Variants in THNSL1 observed in about 807,000 individuals in gnomAD.
The protein encoded by THNSL1 is threonine synthase-like 1.
In THNSL1, 48 loss-of-function variants were observed where a neutral mutation model predicts 50.4. The ratio of observed to expected loss-of-function variants is 0.95; its 90% confidence interval spans 0.76 to 1.21. THNSL1 has a LOEUF of 1.21. THNSL1 is among the 50% of genes most tolerant of loss of function. The pLI, the probability that THNSL1 is intolerant of heterozygous loss-of-function variation, is 0.00. For synonymous variants in THNSL1, 309 were observed against 306.1 expected, an observed-to-expected ratio of 1.01 and a Z score of -0.10; for missense variants, 896 against 871.7, an observed-to-expected ratio of 1.03 and a Z score of -0.35.
the THNSL1 span, chr10:24,995,826 T>G: frequency 6.2e-6 from 10 of 1,613,386 alleles, no homozygotes. Flanking sequence ...CAGTCTTCAA[T>G]GGCACAGCAG....
At chr10:24,953,889 A>G in the THNSL1 span, among the ~76,000 whole-genome samples, 2 of 152,198 alleles carry the variant, frequency 1.3e-5, no homozygotes, top group Admixed American at 1.3e-4. Flanking sequence ...CTGGCTCTTC[A>G]TGTCGTTTCT....
chr10:25,020,407 ACAATC>A (rs1417377793), intron 1 of THNSL1, among the ~76,000 whole-genome samples: 2 of 152,194 alleles, frequency 1.3e-5, no homozygotes, highest in Non-Finnish European at 2.9e-5. Context: ...ATGTTTCCTT[ACAATC>A]TACTTTTAAT....
At chr10:25,018,470 G>A (rs1394359952) in intron 1 of THNSL1, among the ~76,000 whole-genome samples, 1 of 152,116 alleles carries the variant, frequency 6.6e-6, no homozygotes, top group African/African-American at 2.4e-5. Flanking sequence ...TGCCATTGTA[G>A]CTCAAAAGCA....
At chr10:25,003,181 A>ATTT in the THNSL1 span, among the ~76,000 whole-genome samples, 665 of 146,988 alleles carry the variant, frequency 4.5e-3, 2 homozygotes, top group African/African-American at 0.013. Context: ...TTAATTAATT[A>ATTT]ATTTATTTAT....
the THNSL1 span, among the ~76,000 whole-genome samples, chr10:25,000,778 T>G: frequency 6.6e-6 from 1 of 152,160 alleles, no homozygotes; most frequent in African/African-American, 2.4e-5. Flanking sequence ...TTAATGTGAT[T>G]ATAAAAATTT....
Position 25,024,850 on chromosome 10 carries a change from T to G in THNSL1, c.1627T>G (p.Phe543Val), listed in dbSNP as rs1850813073. ...ASNQNHVLTD[F>V]IKTGHYDLRE... ...TAATCAGAACCATGTTTTGACTGATTTTATAAAAACAGGACATTATGATCT... is the reference window on the plus strand; with the variant it reads ...TAATCAGAACCATGTTTTGACTGATGTTATAAAAACAGGACATTATGATCT... The change falls in exon 3 of 3, where the codon TTT (phenylalanine) becomes GTT (valine). Residue 543 changes from phenylalanine to valine, a missense_variant. By Grantham distance (50) the Phe-to-Val change is conservative (BLOSUM62 -1). Coordinates refer to ENST00000376356, the MANE Select transcript of THNSL1 (RefSeq NM_024838.5). 6.2e-7 allele frequency: 1 copy of G among 1,614,126 alleles called. No individual in the cohort carries two copies. The highest frequency in any genetic ancestry group is 1.3e-5 in the African/African-American group (1 of 75,048).
intron 1 of THNSL1, among the ~76,000 whole-genome samples, chr10:25,017,922 A>G (rs1020467523): frequency 6.6e-6 from 1 of 152,214 alleles, no homozygotes; most frequent in African/African-American, 2.4e-5. Flanking sequence ...AGCCAAGTGG[A>G]TAGTCACTGG....
At chr10:24,996,233 G>A in the THNSL1 span, among the ~76,000 whole-genome samples, 5 of 152,114 alleles carry the variant, frequency 3.3e-5, no homozygotes, top group African/African-American at 9.7e-5. Context: ...GACCAGTCTC[G>A]GCAACACAGT....
chr10:25,003,742 G>A, the THNSL1 span, among the ~76,000 whole-genome samples: 1 of 152,068 alleles, frequency 6.6e-6, no homozygotes, highest in African/African-American at 2.4e-5. Flanking sequence ...CATGCATTAC[G>A]GGGGTTTGTT....
the THNSL1 span, among the ~76,000 whole-genome samples, chr10:24,955,920 C>G: frequency 3.6e-3 from 551 of 152,070 alleles, 3 homozygotes; most frequent in African/African-American, 9.9e-3. Flanking sequence ...GCACTCCAGC[C>G]TGGGTGACAG....
the THNSL1 span, among the ~76,000 whole-genome samples, chr10:24,996,390 C>T: frequency 3.9e-5 from 6 of 151,978 alleles, no homozygotes; most frequent in Admixed American, 2.0e-4. Flanking sequence ...CCATTGTACT[C>T]CAGCCTGGGT....
the THNSL1 span, among the ~76,000 whole-genome samples, chr10:24,994,095 T>C: frequency 2.6e-5 from 4 of 152,182 alleles, no homozygotes; most frequent in African/African-American, 7.2e-5. Flanking sequence ...CAGTGTCCTC[T>C]GAAAACAGCC....
At chr10:25,007,072 G>A in the THNSL1 span, among the ~76,000 whole-genome samples, 1 of 152,088 alleles carries the variant, frequency 6.6e-6, no homozygotes, top group Non-Finnish European at 1.5e-5. Context: ...CCCTTTACTT[G>A]ATTTTACCTG....
Position 25,025,145 on chromosome 10 carries a change from C to T in THNSL1, c.1922C>T (p.Pro641Leu). 1 of 1,614,010 alleles carries T rather than the reference C, an allele frequency of 6.2e-7. No homozygotes were observed. Among genetic ancestry groups the T allele is most frequent in the Non-Finnish European group, 8.5e-7 (1 of 1,180,002 alleles). The change falls in exon 3 of 3, where the codon CCA becomes CTA. Residue 641 changes from proline (P) to leucine (L), a missense_variant. Coordinates refer to ENST00000376356, the MANE Select transcript of THNSL1 (RefSeq NM_024838.5). ...AATACTTCAGGGTATATTTTGGATC[C>T]ACACACTGCTGTTGCAAAAGTGGTT... ...TYNTSGYILD[P>L]HTAVAKVVAD...
At chr10:24,995,984 T>G in the THNSL1 span, 1 of 782,304 alleles carries the variant, frequency 1.3e-6, no homozygotes, top group African/African-American at 1.8e-5. Flanking sequence ...TCATAATATA[T>G]TTAAATATTT....
chr10:25,023,462 G>A lies in THNSL1; in HGVS notation c.239G>A (p.Gly80Asp), dbSNP rs1470095725. Residue 80 changes from glycine (G) to aspartate (D), a missense_variant, in exon 3 of 3, where the codon GGT becomes GAT. By Grantham distance (94) the Gly-to-Asp change is moderately conservative. Coordinates refer to ENST00000376356, the MANE Select transcript of THNSL1 (RefSeq NM_024838.5). ...TVGRIIGQKL[G>D]CCVIDVDDDI... ...GGCAGAATAATAGGTCAGAAACTAG[G>A]TTGTTGTGTCATAGATGTGGATGAT... 3 of 1,614,092 alleles carry A rather than the reference G, an allele frequency of 1.9e-6. No homozygotes were observed. Among genetic ancestry groups the A allele is most frequent in the Middle Eastern group, 1.6e-4 (1 of 6,062 alleles).
At chr10:24,953,425 C>G in the THNSL1 span, 2 of 152,434 alleles carry the variant, frequency 1.3e-5, no homozygotes, top group African/African-American at 2.4e-5. Flanking sequence ...ACATTCTCTG[C>G]TTTACCAGTT....
At chr10:24,992,428 T>C in the THNSL1 span, among the ~76,000 whole-genome samples, 4 of 152,164 alleles carry the variant, frequency 2.6e-5, no homozygotes, top group Non-Finnish European at 5.9e-5. Flanking sequence ...CTGTTCTCCT[T>C]CTAGACACTT....
At chr10:24,980,999 C>T in the THNSL1 span, among the ~76,000 whole-genome samples, 1 of 152,210 alleles carries the variant, frequency 6.6e-6, no homozygotes, top group Non-Finnish European at 1.5e-5. Context: ...GGATTACAGG[C>T]GTGAGCCACC....
Sources: allele counts gnomAD v4.1 joint callset (sites outside exome capture counted in the v4.1 genomes callset), GRCh38; gene constraint gnomAD v4.1.1; transcripts MANE v1.5; gene names NCBI Gene and HGNC (gene_info 2026-07-23, HGNC 2026-07-21).